MAPK8IP3: variants seen among roughly 807,000 people sequenced by gnomAD.
The protein encoded by MAPK8IP3 is C-Jun-amino-terminal kinase-interacting protein 3.
A neutral mutation model predicts 157.8 loss-of-function variants in MAPK8IP3; 49 were observed. The observed-to-expected ratio is 0.31, with a 90% confidence interval of 0.25 to 0.39. The LOEUF (loss-of-function observed/expected upper bound fraction) is 0.39. MAPK8IP3 is among the 10% of genes least tolerant of loss of function. The pLI, the probability that MAPK8IP3 is intolerant of heterozygous loss-of-function variation, is 1.00. For synonymous variants in MAPK8IP3, 897 were observed against 777.7 expected (o/e 1.15, Z -2.55); for missense variants, 1,478 against 1,889.4 (o/e 0.78, Z 4.04).
intron 8 of MAPK8IP3, among the ~76,000 whole-genome samples, chr16:1,757,485 A>G (rs2041675243): frequency 6.6e-6 from 1 of 152,202 alleles, no homozygotes; most frequent in African/African-American, 2.4e-5. Flanking sequence ...CTGTTGGAGG[A>G]AGTGGTGTTT....
chr16:1,722,359 G>C (rs2038582981), intron 1 of MAPK8IP3, among the ~76,000 whole-genome samples: 1 of 152,124 alleles, frequency 6.6e-6, no homozygotes, highest in Non-Finnish European at 1.5e-5. Context: ...CACCTCTTGG[G>C]CAGAGCCCCA....
intron 2 of MAPK8IP3, among the ~76,000 whole-genome samples, chr16:1,725,932 C>T (rs948722909): frequency 1.3e-5 from 2 of 152,190 alleles, no homozygotes; most frequent in African/African-American, 4.8e-5. Flanking sequence ...CTTCTGACCT[C>T]GTGATCCTCC....
intron 27 of MAPK8IP3, 25 bp downstream of exon 27, chr16:1,767,760 G>A (rs761377354): frequency 1.2e-6 from 2 of 1,612,026 alleles, no homozygotes; most frequent in South Asian, 2.2e-5. Context: ...CAGATGGGGT[G>A]GTGGGGTGCT....
chr16:1,763,668 C>A lies in MAPK8IP3; in HGVS notation c.1910C>A (p.Ser637Tyr). 1 of 1,577,118 alleles carries A rather than the reference C, an allele frequency of 6.3e-7. No individual in the cohort carries two copies. Among genetic ancestry groups the A allele is most frequent in the Non-Finnish European group, 8.6e-7 (1 of 1,159,366 alleles). ...ATTCTTCCACTCAGCGACTGCACGT[C>A]CTCCGCCCGTCGAGAGCAGAAGCGC... Reference protein sequence around the residue: ...LEFFPDDDCTSSARREQKREQ... With the variant: ...LEFFPDDDCTYSARREQKREQ... Residue 637 changes from serine to tyrosine, a missense_variant, in exon 17 of 32, where the codon TCC (serine) becomes TAC (tyrosine). Physicochemically the swap from Ser to Tyr is moderately radical, Grantham distance 144. Coordinates refer to ENST00000610761, the MANE Select transcript of MAPK8IP3 (RefSeq NM_001318852.2).
At chr16:1,752,361 C>T (rs752463119) in intron 8 of MAPK8IP3, 9 of 245,596 alleles carry the variant, frequency 3.7e-5, no homozygotes, top group South Asian at 2.3e-4. Context: ...ATCTGGGCAT[C>T]GCCGAGCTCA....
chr16:1,763,741 T>C lies in MAPK8IP3; in HGVS notation c.1983T>C (p.Arg661=), dbSNP rs746150308. The change falls in exon 17 of 32, where the codon CGT becomes CGC. Residue 661 remains arginine (R), a synonymous_variant. Transcript: ENST00000610761. ...AGCACGTGCGTAACGACGACGGCCG[T>C]CTGCAGGCCTGCGGCTGGAGCCTGC... ...VREHVRNDDG[R]LQACGWSLPA... The C allele has an allele frequency of 1.3e-6, 2 of 1,590,908 alleles. No homozygotes were observed. Among genetic ancestry groups the C allele is most frequent in the Admixed American group, 1.7e-5 (1 of 58,100 alleles).
rs1226478589 is a variant in MAPK8IP3, at chr16:1,748,667, C to T, written c.1163C>T (p.Ser388Leu). The change falls in exon 8 of 32, where the codon TCG (serine) becomes TTG (leucine). Residue 388 changes from serine to leucine, a missense_variant. Ser to Leu is a moderately radical substitution (Grantham distance 145). Transcript: ENST00000610761. ...INTDSLYHELSTAGSEVIGDV... is the reference protein window; with the variant it reads ...INTDSLYHELLTAGSEVIGDV... ...ACCGACTCCCTGTACCATGAGCTGT[C>T]GACGGCAGGGTCTGAGGTCATCGGG... is the stretch of plus-strand genomic sequence containing the variant. The T allele has an allele frequency of 8.1e-6, 13 of 1,614,058 alleles. No individual in the cohort carries two copies. The highest frequency in any genetic ancestry group is 6.7e-5 in the Admixed American group (4 of 60,012).
chr16:1,727,306 G>A (rs2038950152), intron 2 of MAPK8IP3, among the ~76,000 whole-genome samples: 1 of 150,066 alleles, frequency 6.7e-6, no homozygotes. Context: ...GTCTGTGTGA[G>A]TGTCGTGTGC....
chr16:1,718,659 T>C (rs2038316676), intron 1 of MAPK8IP3, among the ~76,000 whole-genome samples: 1 of 151,418 alleles, frequency 6.6e-6, no homozygotes, highest in South Asian at 2.1e-4. Flanking sequence ...CCGGGCATGG[T>C]GGTGGGCACC....
In MAPK8IP3 at chr16:1,764,314, C is replaced by T. The variant is rs376406072; in HGVS notation, c.2135C>T (p.Ala712Val). Residue 712 changes from alanine (A) to valine (V), a missense_variant, in exon 19 of 32, where the codon GCG becomes GTG. This residue lies in a region of MAPK8IP3 where 669 missense variants were observed against 759.8 expected (regional missense o/e 0.88). Coordinates refer to ENST00000610761, the MANE Select transcript of MAPK8IP3 (RefSeq NM_001318852.2). Reference protein sequence around the residue: ...KDPTMKLWCAAGVNLSGWRPN... With the variant: ...KDPTMKLWCAVGVNLSGWRPN... The stretch of plus-strand genomic sequence containing the variant: ...CTGCCCTTGCAGCTGTGGTGTGCCG[C>T]GGGCGTCAACCTGAGCGGGTGGAGG... 6.0e-5 allele frequency: 94 copies of T among 1,576,362 alleles called. No individual in the cohort carries two copies. Among genetic ancestry groups the T allele is most frequent in the Admixed American group, 1.1e-4 (6 of 54,118 alleles).
At chr16:1,736,757 TCC>T (rs1181827606) in intron 4 of MAPK8IP3, among the ~76,000 whole-genome samples, 2 of 69,024 alleles carry the variant, frequency 2.9e-5, no homozygotes, top group Non-Finnish European at 2.6e-5. Context: ...CATGTGAGCA[TCC>T]GTGTGACCGT....
At chr16:1,747,334 G>C in intron 6 of MAPK8IP3, 59 bp downstream of exon 6, 5 of 1,583,112 alleles carry the variant, frequency 3.2e-6, no homozygotes, top group Non-Finnish European at 4.3e-6. Flanking sequence ...GCTTGGTTTG[G>C]GTAGATGTGA....
At chr16:1,767,319 G>C (rs375763368) in intron 26 of MAPK8IP3, 22 bp downstream of exon 26, 16 of 1,611,752 alleles carry the variant, frequency 9.9e-6, no homozygotes, top group African/African-American at 4.0e-5. Flanking sequence ...CCAGGGCCCC[G>C]GGGAGGGGAA....
chr16:1,722,284 T>A (rs1026419560), intron 1 of MAPK8IP3, among the ~76,000 whole-genome samples: 4 of 152,190 alleles, frequency 2.6e-5, no homozygotes, highest in African/African-American at 9.7e-5. Flanking sequence ...TGCTGCCTCC[T>A]GCTCCCTGCC....
At chr16:1,721,116 T>C (rs990019505) in intron 1 of MAPK8IP3, among the ~76,000 whole-genome samples, 15 of 151,150 alleles carry the variant, frequency 9.9e-5, no homozygotes, top group African/African-American at 3.7e-4. Context: ...GGCGGGTGGA[T>C]CACCTAAGGT....
At chr16:1,723,302 T>C (rs1196467006) in intron 1 of MAPK8IP3, among the ~76,000 whole-genome samples, 2 of 152,014 alleles carry the variant, frequency 1.3e-5, no homozygotes, top group Non-Finnish European at 2.9e-5. Context: ...CCCAAAGTTC[T>C]GGGATGAGGC....
In MAPK8IP3 at chr16:1,768,917, C is replaced by T; in HGVS notation, c.*93C>T. The T allele has an allele frequency of 6.2e-6, 9 of 1,457,414 alleles. No individual in the cohort carries two copies. Among genetic ancestry groups the T allele is most frequent in the Non-Finnish European group, 8.4e-6 (9 of 1,072,344 alleles). The allele number at this position is 1,457,414 out of a possible 1,614,324, so 90.3% of individuals were successfully genotyped here. A position where few individuals can be genotyped will look rare whatever the true frequency, so the allele number is the denominator to read the frequency against. On this transcript the variant is annotated 3_prime_UTR_variant, in exon 32 of 32. Coordinates refer to ENST00000610761, the MANE Select transcript of MAPK8IP3 (RefSeq NM_001318852.2). ...GGGGTAGCCAGCCAGGCGCCGCCGC[C>T]CCTCTTCTAACCTCTCAACCTGCAG...
In MAPK8IP3 at chr16:1,748,330, G is replaced by T. The variant is rs1481079667; in HGVS notation, c.1081G>T (p.Asp361Tyr). The change falls in exon 7 of 32, where the codon GAC becomes TAC. Residue 361 changes from aspartate (D) to tyrosine (Y), a missense_variant. Physicochemically the swap from Asp to Tyr is radical, Grantham distance 160. This residue lies in a region of MAPK8IP3 where 315 missense variants were observed against 394.4 expected (regional missense o/e 0.80). Transcript: ENST00000610761. ...GGACATGTGTCCAGAGACCCGCCTG[G>T]ACCGCACAGGAAGCAGGTACTGGCT... ...ELDMCPETRL[D>Y]RTGSSPTQGI... 1 of 1,613,724 alleles carries T rather than the reference G, an allele frequency of 6.2e-7. No homozygotes were observed. The highest frequency in any genetic ancestry group is 1.7e-5 in the Admixed American group (1 of 60,020).
At chr16:1,728,826 G>A (rs1416895545) in intron 2 of MAPK8IP3, among the ~76,000 whole-genome samples, 1 of 144,430 alleles carries the variant, frequency 6.9e-6, no homozygotes, top group Non-Finnish European at 1.5e-5. Flanking sequence ...GGCTTTAACA[G>A]AGCTGAGTGT....
Sources: gnomAD v4.1 joint callset for allele counts (sites outside exome capture counted in the v4.1 genomes callset) on GRCh38, gnomAD v4.1.1 for gene constraint, gnomAD v4.1.1 regional missense constraint, MANE v1.5 for transcripts, NCBI Gene and HGNC (gene_info 2026-07-23, HGNC 2026-07-21) for gene names.